The following ITGB8 variants were observed in gnomAD, a reference collection of about 807,000 sequenced individuals.
ITGB8 encodes the protein integrin beta-8.
ITGB8 carries 30 observed loss-of-function variants against 89.5 expected under a neutral mutation model. The observed-to-expected ratio is 0.34, with a 90% CI of 0.25 to 0.45. The LOEUF is 0.45. ITGB8 is among the 20% of genes least tolerant of loss of function. The pLI is 1.00. For synonymous variants in ITGB8, 335 were observed against 320.4 expected (o/e 1.05, Z -0.49); for missense variants, 836 against 933.3 (o/e 0.90, Z 1.36).
Position 20,370,580 on chromosome 7 carries a change from T to C in ITGB8, c.388+3394T>C, listed in dbSNP as rs1562674556. Among the ~76,000 whole-genome samples the C allele has an allele frequency of 2.1e-5, 3 of 143,438 alleles. No individual in the cohort carries two copies. The East Asian group carries it at 5.9e-4, about 28-fold the overall frequency. The allele number at this position is 143,438 out of a possible 152,430, so 94.1% of individuals were successfully genotyped here. ...TGTGGTATATAAACTTTTACACTAC[T>C]TTATTTATTTATTTACTTATTTATT... On this transcript the variant is annotated intron_variant, in intron 3 of 13. Transcript: ENST00000222573.
At chr7:20,354,652 A>T (rs1300215958) in intron 1 of ITGB8, among the ~76,000 whole-genome samples, 1 of 152,222 alleles carries the variant, frequency 6.6e-6, no homozygotes, top group Non-Finnish European at 1.5e-5. Flanking sequence ...TCAAGTCTGA[A>T]TATGGCTGCT....
In ITGB8 at chr7:20,413,149, T is replaced by A. The variant is rs1011413335; in HGVS notation, c.*3152T>A. 2 of 152,160 alleles carry A rather than the reference T, an allele frequency of 1.3e-5. No homozygotes were observed. Among genetic ancestry groups the A allele is most frequent in the Non-Finnish European group, 2.9e-5 (2 of 67,988 alleles). The allele number at this position is 152,160 out of a possible 1,614,324, so 9.4% of individuals were successfully genotyped here. ...ATATTTTTGGAAACTTGCTAATATT[T>A]ATTAAGTCATAGACTTTTCTGGAGG... On this transcript the variant is annotated 3_prime_UTR_variant, in exon 14 of 14. Transcript: ENST00000222573.
intron 8 of ITGB8, among the ~76,000 whole-genome samples, chr7:20,397,237 T>G (rs950051860): frequency 6.6e-6 from 1 of 151,984 alleles, no homozygotes; most frequent in African/African-American, 2.4e-5. Context: ...TCTTTTTTTT[T>G]TTTTTTAGAT....
chr7:20,362,506 ACC>A (rs1252244059), intron 1 of ITGB8, among the ~76,000 whole-genome samples: 2 of 152,092 alleles, frequency 1.3e-5, no homozygotes, highest in Non-Finnish European at 2.9e-5. Flanking sequence ...CTCTTCCTCC[ACC>A]CCTACTCATC....
intron 5 of ITGB8, 101 bp from the exon 6 acceptor site, chr7:20,381,626 A>G: frequency 1.2e-6 from 1 of 841,230 alleles, no homozygotes; most frequent in Non-Finnish European, 1.9e-6. Flanking sequence ...TTCTAGCCTG[A>G]CTTACTGTTC....
chr7:20,342,913 G>C (rs1308754402), intron 1 of ITGB8, among the ~76,000 whole-genome samples: 1 of 152,136 alleles, frequency 6.6e-6, no homozygotes, highest in African/African-American at 2.4e-5. Context: ...ATAATCAATG[G>C]ATATGCAGTG....
At chr7:20,338,355 AGTGGCTAACAACT>A (rs1784643181) in intron 1 of ITGB8, among the ~76,000 whole-genome samples, 2 of 152,180 alleles carry the variant, frequency 1.3e-5, no homozygotes, top group South Asian at 4.1e-4. Context: ...GGCCGGTTGC[AGTGGCTAACAACT>A]GTAATCCCAT....
Position 20,414,953 on chromosome 7 carries a change from C to T in ITGB8, c.*4956C>T, listed in dbSNP as rs183775742. On this transcript the variant is annotated 3_prime_UTR_variant, in exon 14 of 14. Transcript: ENST00000222573. ...TAATCAGGTTTCTAGCCTCTACAAC[C>T]TACTTCAGTTAAAATTGTCTAATAC... is the stretch of plus-strand genomic sequence containing the variant. 21 of 151,596 alleles carry T rather than the reference C, an allele frequency of 1.4e-4. No individual in the cohort carries two copies. Among genetic ancestry groups the T allele is most frequent in the Non-Finnish European group, 2.4e-4 (16 of 67,784 alleles). 9.4% of individuals were successfully genotyped at this position (151,596 alleles called of 1,614,324 possible).
Position 20,410,148 on chromosome 7 carries a change from A to G in ITGB8, c.*151A>G. On this transcript the variant is annotated 3_prime_UTR_variant, in exon 14 of 14. Coordinates refer to ENST00000222573, the MANE Select transcript of ITGB8 (RefSeq NM_002214.3). The stretch of plus-strand genomic sequence containing the variant: ...CGAACGAAGACTGACAAGTATCCTC[A>G]TCATGATGTGACTCACATAGCTGCT... The G allele has an allele frequency of 1.4e-6, 1 of 719,704 alleles. No individual in the cohort carries two copies. Among genetic ancestry groups the G allele is most frequent in the Non-Finnish European group, 2.3e-6 (1 of 435,364 alleles). The allele number at this position is 719,704 out of a possible 1,614,324, so 44.6% of individuals were successfully genotyped here. A position where few individuals can be genotyped will look rare whatever the true frequency, so the allele number is the denominator to read the frequency against.
intron 6 of ITGB8, among the ~76,000 whole-genome samples, chr7:20,386,582 A>G (rs1351506676): frequency 6.6e-6 from 1 of 151,908 alleles, no homozygotes; most frequent in Non-Finnish European, 1.5e-5. Flanking sequence ...TAGTAATTTT[A>G]TAGGAGAACT....
rs139320655 is a variant in ITGB8 at position 20,340,369 on chromosome 7, C to T, written c.127+8436C>T. Among the ~76,000 whole-genome samples, 13 of 152,062 alleles carry T rather than the reference C, an allele frequency of 8.5e-5. No homozygotes were observed. In the East Asian group the frequency reaches 2.1e-3, roughly 25 times the overall value. ...TCAAGTCAAAGCCTATGGAAGAGAC[C>T]GAGTTTGGAAGTGGAGAGAAGGGCT... On this transcript the variant is annotated intron_variant, in intron 1 of 13. Transcript: ENST00000222573.
At chr7:20,352,183 T>A (rs921334145) in intron 1 of ITGB8, 1 of 152,226 alleles carries the variant, frequency 6.6e-6, no homozygotes, top group Non-Finnish European at 1.5e-5. Context: ...TTGGGGGCCC[T>A]CCTTGAATCT....
At chr7:20,378,239 A>G (rs956862230) in intron 3 of ITGB8, among the ~76,000 whole-genome samples, 1 of 152,224 alleles carries the variant, frequency 6.6e-6, no homozygotes, top group African/African-American at 2.4e-5. Flanking sequence ...TGCGGGGACT[A>G]CCGACATTTG....
At chr7:20,338,029 C>T (rs952992902) in intron 1 of ITGB8, among the ~76,000 whole-genome samples, 29 of 152,148 alleles carry the variant, frequency 1.9e-4, no homozygotes, top group African/African-American at 6.8e-4. Flanking sequence ...AACAGGCTAC[C>T]TGTGCTGCAG....
chr7:20,407,275 C>T (rs1787583729), intron 12 of ITGB8, among the ~76,000 whole-genome samples: 1 of 137,360 alleles, frequency 7.3e-6, no homozygotes, highest in African/African-American at 2.7e-5. Flanking sequence ...AAAACTGAAT[C>T]GCAAACTCAT....
intron 12 of ITGB8, among the ~76,000 whole-genome samples, chr7:20,406,544 C>A (rs1340802513): frequency 1.2e-5 from 1 of 85,256 alleles, no homozygotes; most frequent in Non-Finnish European, 2.1e-5. Flanking sequence ...GAGAGGAACC[C>A]CATTTAAAAA....
chr7:20,389,469 A>G (rs960690266), intron 6 of ITGB8, among the ~76,000 whole-genome samples: 1 of 152,150 alleles, frequency 6.6e-6, no homozygotes, highest in African/African-American at 2.4e-5. Context: ...CTGTTTTTGG[A>G]AAGGGGAAGA....
intron 1 of ITGB8, among the ~76,000 whole-genome samples, chr7:20,359,204 C>T (rs1015609751): frequency 1.3e-5 from 2 of 151,990 alleles, no homozygotes; most frequent in African/African-American, 4.8e-5. Flanking sequence ...CTTTATGAGG[C>T]ACTGAGAACT....
chr7:20,377,026 A>G (rs1786178187), intron 3 of ITGB8, among the ~76,000 whole-genome samples: 1 of 152,074 alleles, frequency 6.6e-6, no homozygotes, highest in Non-Finnish European at 1.5e-5. Context: ...TTGCTAGGCT[A>G]TGAGCAGCTG....
Sources: allele counts gnomAD v4.1 joint callset (sites outside exome capture counted in the v4.1 genomes callset), GRCh38; gene constraint gnomAD v4.1.1; transcripts MANE v1.5; gene names NCBI Gene and HGNC (gene_info 2026-07-23, HGNC 2026-07-21).